Variants in AGTPBP1 observed in about 807,000 individuals in gnomAD.
AGTPBP1 encodes the protein cytosolic carboxypeptidase 1.
AGTPBP1 carries 70 observed loss-of-function variants against 143.9 expected under a neutral mutation model. The ratio of observed to expected loss-of-function variants is 0.49; its 90% confidence interval spans 0.40 to 0.59. The LOEUF is 0.59. Ranked by LOEUF, AGTPBP1 falls within the 20% of genes least tolerant of loss-of-function variation. The probability of loss-of-function intolerance (pLI) is 0.00; values close to 1 mark genes in which losing one functional copy is unlikely to be tolerated. For synonymous variants in AGTPBP1, 463 were observed against 500.2 expected, an observed-to-expected ratio of 0.93 and a Z score of 0.99; for missense variants, 1,229 against 1,464.5, an observed-to-expected ratio of 0.84 and a Z score of 2.62.
At chr9:85,685,929 A>G (rs200634236) in intron 3 of AGTPBP1, among the ~76,000 whole-genome samples, 1 of 152,112 alleles carries the variant, frequency 6.6e-6, no homozygotes, top group East Asian at 1.9e-4. Context: ...TTAGTGCAAT[A>G]TTCAAAGAAA....
At chr9:85,569,427 AT>A (rs1464545369) in intron 25 of AGTPBP1, among the ~76,000 whole-genome samples, 3 of 152,096 alleles carry the variant, frequency 2.0e-5, no homozygotes, top group Admixed American at 2.0e-4. Flanking sequence ...AAAATAATAA[AT>A]AGCAGTAACT....
At chr9:85,569,748 TACC>T (rs1413022389) in intron 25 of AGTPBP1, among the ~76,000 whole-genome samples, 1 of 152,176 alleles carries the variant, frequency 6.6e-6, no homozygotes, top group African/African-American at 2.4e-5. Context: ...CTCCTCAGAG[TACC>T]ACATTAGCTG....
intron 1 of AGTPBP1, among the ~76,000 whole-genome samples, chr9:85,723,312 G>T (rs971071576): frequency 1.1e-4 from 17 of 152,340 alleles, no homozygotes; most frequent in Middle Eastern, 3.4e-3. Flanking sequence ...AGGCCTTGCT[G>T]AGCTATGGTG....
the AGTPBP1 span, chr9:85,785,919 A>G: frequency 2.0e-6 from 1 of 504,004 alleles, no homozygotes; most frequent in East Asian, 3.3e-5. Flanking sequence ...AGATGCCTGT[A>G]AGTGAAATAA....
intron 14 of AGTPBP1, among the ~76,000 whole-genome samples, chr9:85,625,104 G>A (rs569330504): frequency 1.3e-5 from 2 of 152,270 alleles, no homozygotes; most frequent in South Asian, 2.1e-4. Flanking sequence ...CACTTCACAC[G>A]TATGCAAACT....
chr9:85,791,959 G>A, the AGTPBP1 span, among the ~76,000 whole-genome samples: 3 of 152,104 alleles, frequency 2.0e-5, no homozygotes, highest in Admixed American at 2.0e-4. Flanking sequence ...AAGGAAAGCA[G>A]TTAGGACTTA....
intron 2 of AGTPBP1, among the ~76,000 whole-genome samples, chr9:85,707,754 A>G (rs1245377829): frequency 1.3e-5 from 2 of 152,194 alleles, no homozygotes; most frequent in African/African-American, 4.8e-5. Flanking sequence ...TTATTATTGT[A>G]TTACAGGCTA....
Position 85,682,172 on chromosome 9 carries a change from TAAAAA to T in AGTPBP1, c.158-842_158-838del, listed in dbSNP as rs745339958. ...TCCTTTTCCTCTCATTAGGATTGGT[TAAAAA>T]AAAAAAAAAAAAAAAAAAAAGCATA... is the stretch of plus-strand genomic sequence containing the variant. On this transcript the variant is annotated intron_variant, in intron 3 of 25. Coordinates refer to ENST00000357081, the MANE Select transcript of AGTPBP1 (RefSeq NM_001330701.2). Among the ~76,000 whole-genome samples the T allele has an allele frequency of 5.8e-5, 5 of 85,828 alleles. No individual in the cohort carries two copies. The East Asian group carries it at 1.2e-3, about 21-fold the overall frequency. 56.3% of individuals were successfully genotyped at this position (85,828 alleles called of 152,430 possible). A position where few individuals can be genotyped will look rare whatever the true frequency, so the allele number is the denominator to read the frequency against.
intron 1 of AGTPBP1, among the ~76,000 whole-genome samples, chr9:85,730,989 A>G (rs62570620): frequency 0.015 from 2,256 of 152,316 alleles, 25 homozygotes; most frequent in Middle Eastern, 0.037. Context: ...GCTTAAGGGA[A>G]AGTAGTTCTT....
At chr9:85,592,878 T>C (rs144143317) in intron 18 of AGTPBP1, among the ~76,000 whole-genome samples, 174 bp from the exon 19 acceptor site, 28 of 152,298 alleles carry the variant, frequency 1.8e-4, no homozygotes, top group Admixed American at 3.9e-4. Context: ...TAAACTATTA[T>C]TAGCCAATGA....
intron 14 of AGTPBP1, among the ~76,000 whole-genome samples, chr9:85,631,927 T>C (rs866389917): frequency 2.6e-5 from 4 of 152,334 alleles, no homozygotes; most frequent in South Asian, 2.1e-4. Flanking sequence ...TACTTGGCAA[T>C]ATTTAATAAT....
the AGTPBP1 span, among the ~76,000 whole-genome samples, chr9:85,790,445 A>C: frequency 3.3e-5 from 5 of 152,304 alleles, no homozygotes; most frequent in South Asian, 8.3e-4. Context: ...AATGTACTGC[A>C]TACAAAGAGA....
chr9:85,740,283 G>C (rs985456524), intron 1 of AGTPBP1, among the ~76,000 whole-genome samples: 1 of 152,154 alleles, frequency 6.6e-6, no homozygotes, highest in South Asian at 2.1e-4. Flanking sequence ...GTAATTATGT[G>C]ATTAATCAAT....
At chr9:85,614,791 G>C (rs1340629488) in intron 17 of AGTPBP1, among the ~76,000 whole-genome samples, 1 of 152,088 alleles carries the variant, frequency 6.6e-6, no homozygotes, top group Non-Finnish European at 1.5e-5. Flanking sequence ...GAGAACTGCA[G>C]TGTTTCAAAC....
At chr9:85,575,098 A>G in intron 25 of AGTPBP1, among the ~76,000 whole-genome samples, 1 of 152,228 alleles carries the variant, frequency 6.6e-6, no homozygotes, top group Non-Finnish European at 1.5e-5. Flanking sequence ...TACAACCACT[A>G]AAAATACTTG....
At chr9:85,731,561 G>A (rs1838882524) in intron 1 of AGTPBP1, among the ~76,000 whole-genome samples, 1 of 151,696 alleles carries the variant, frequency 6.6e-6, no homozygotes, top group African/African-American at 2.4e-5. Context: ...CTGGGCTCAA[G>A]TAATCCTTCT....
At position 85,697,135 on chromosome 9, in the gene AGTPBP1, G is replaced by A. The variant is rs1050403202; in HGVS notation, c.33-4322C>T. ...CTTCCTTTACTATATATTTCTGTGT[G>A]AACCCAGATATGTCTTCTTTGTACC... is the stretch of plus-strand genomic sequence containing the variant. On this transcript the variant is annotated intron_variant, in intron 2 of 25. Coordinates refer to ENST00000357081, the MANE Select transcript of AGTPBP1 (RefSeq NM_001330701.2). Among the ~76,000 whole-genome samples, 3 of 152,070 alleles carry A rather than the reference G, an allele frequency of 2.0e-5. No individual in the cohort carries two copies. The East Asian group carries it at 5.8e-4, about 29-fold the overall frequency.
intron 17 of AGTPBP1, among the ~76,000 whole-genome samples, chr9:85,601,820 G>A (rs1477691649): frequency 6.6e-5 from 10 of 152,066 alleles, no homozygotes; most frequent in Non-Finnish European, 1.0e-4. Flanking sequence ...GCCACCACTG[G>A]TGCCCAAGGA....
chr9:85,712,993 T>C (rs1242518701), intron 1 of AGTPBP1, among the ~76,000 whole-genome samples: 1 of 152,230 alleles, frequency 6.6e-6, no homozygotes, highest in Non-Finnish European at 1.5e-5. Context: ...TATTTCCATA[T>C]AAGAACATTT....
Sources: gnomAD v4.1 joint callset for allele counts (sites outside exome capture counted in the v4.1 genomes callset) on GRCh38, gnomAD v4.1.1 for gene constraint, MANE v1.5 for transcripts, NCBI Gene and HGNC (gene_info 2026-07-23, HGNC 2026-07-21) for gene names.